PCDH7: variants seen among roughly 807,000 people sequenced by gnomAD.
PCDH7 encodes protocadherin-7.
PCDH7 carries 17 observed loss-of-function variants against 58.9 expected under a neutral mutation model. The observed-to-expected ratio is 0.29, with a 90% CI of 0.20 to 0.43. PCDH7 has a LOEUF of 0.43. Ranked by LOEUF, PCDH7 falls within the 20% of genes least tolerant of loss-of-function variation. PCDH7 has a pLI of 1.00. For synonymous variants in PCDH7, 664 were observed against 616.4 expected, an observed-to-expected ratio of 1.08 and a Z score of -1.14; for missense variants, 1,274 against 1,441.0, an observed-to-expected ratio of 0.88 and a Z score of 1.88.
At chr4:30,785,065 A>G (rs1388600230) in intron 1 of PCDH7, among the ~76,000 whole-genome samples, 1 of 152,044 alleles carries the variant, frequency 6.6e-6, no homozygotes, top group African/African-American at 2.4e-5. Context: ...AAAGTACATG[A>G]TATTTGCCTT....
chr4:30,763,110 C>A (rs1045824165), intron 1 of PCDH7, among the ~76,000 whole-genome samples: 1 of 152,114 alleles, frequency 6.6e-6, no homozygotes, highest in African/African-American at 2.4e-5. Context: ...GTAATCCCAG[C>A]TACTCAGGAG....
intron 3 of PCDH7, among the ~76,000 whole-genome samples, chr4:31,084,966 G>A (rs1188814148): frequency 6.6e-6 from 1 of 152,108 alleles, no homozygotes; most frequent in African/African-American, 2.4e-5. Context: ...CGCCCAAGGG[G>A]TTCACCTTGC....
intron 3 of PCDH7, among the ~76,000 whole-genome samples, chr4:31,120,654 A>G (rs1049473979): frequency 1.3e-5 from 2 of 152,082 alleles, no homozygotes; most frequent in African/African-American, 2.4e-5. Flanking sequence ...GTTCGCTGCA[A>G]TGTCCAACCA....
At chr4:30,864,377 A>G (rs944730320) in intron 1 of PCDH7, among the ~76,000 whole-genome samples, 3 of 151,606 alleles carry the variant, frequency 2.0e-5, no homozygotes, top group African/African-American at 7.3e-5. Flanking sequence ...AGCAGTTATT[A>G]TGAGAAAGTC....
chr4:30,788,381 A>C (rs1723685874), intron 1 of PCDH7, among the ~76,000 whole-genome samples: 1 of 152,068 alleles, frequency 6.6e-6, no homozygotes, highest in African/African-American at 2.4e-5. Context: ...TTGACTTTAT[A>C]GTTAAAATTT....
At chr4:30,984,097 A>G (rs1016762011) in intron 3 of PCDH7, among the ~76,000 whole-genome samples, 1 of 152,240 alleles carries the variant, frequency 6.6e-6, no homozygotes, top group Non-Finnish European at 1.5e-5. Flanking sequence ...TTAGTAAAAC[A>G]CATTCCAAAT....
chr4:31,109,804 G>T (rs184008094), intron 3 of PCDH7, among the ~76,000 whole-genome samples: 12 of 152,234 alleles, frequency 7.9e-5, no homozygotes, highest in Admixed American at 7.8e-4. Flanking sequence ...AATGCCATTG[G>T]TACATTTCAG....
intron 1 of PCDH7, among the ~76,000 whole-genome samples, chr4:30,790,620 C>G (rs2109298126): frequency 6.6e-6 from 1 of 152,272 alleles, no homozygotes; most frequent in Middle Eastern, 3.4e-3. Context: ...AGAAGATCTG[C>G]TTTAAATATT....
chr4:30,804,060 AC>A (rs928189956), intron 1 of PCDH7, among the ~76,000 whole-genome samples: 5 of 152,136 alleles, frequency 3.3e-5, no homozygotes, highest in African/African-American at 1.2e-4. Context: ...TAAAGATCTC[AC>A]CTTTTAATAC....
At chr4:30,758,957 T>TTG (rs1560339506) in intron 1 of PCDH7, among the ~76,000 whole-genome samples, 2 of 144,860 alleles carry the variant, frequency 1.4e-5, no homozygotes, top group African/African-American at 2.6e-5. Flanking sequence ...TTTTTTTTTT[T>TTG]TTGTGATACA....
chr4:30,920,182 G>A (rs1021908460), exon 2 of PCDH7: 1 of 1,367,546 alleles, frequency 7.3e-7, no homozygotes, highest in African/African-American at 1.5e-5. Flanking sequence ...TTTCTGTTGT[G>A]AGTCAGCCTC....
chr4:30,967,282 C>A lies in PCDH7; in HGVS notation c.*7+17067C>A, dbSNP rs1423085142. 2.0e-5 allele frequency among the ~76,000 whole-genome samples: 3 copies of A among 151,952 alleles called. No individual in the cohort carries two copies. In the East Asian group the frequency reaches 5.8e-4, roughly 29 times the overall value. On this transcript the variant is annotated intron_variant, in intron 3 of 3. Transcript: ENST00000509759. ...TATTTGGTTTGTATGAATTGTAATG[C>A]CAGACTGTATTTTCAAGACTAATTA...
chr4:31,022,460 A>G (rs985399709), intron 3 of PCDH7, among the ~76,000 whole-genome samples: 11 of 152,176 alleles, frequency 7.2e-5, no homozygotes, highest in Non-Finnish European at 1.3e-4. Context: ...CATTTTCTGA[A>G]GCTTGGTGGG....
intron 1 of PCDH7, among the ~76,000 whole-genome samples, chr4:30,908,243 T>TAAA (rs5857211): frequency 0.2 from 27,458 of 140,806 alleles, 2,707 homozygotes; most frequent in East Asian, 0.29. Flanking sequence ...TAAAGAATAA[T>TAAA]AAAAAAAAAA....
rs1216939255 is a variant in PCDH7 at position 30,955,510 on chromosome 4, T to TATTTTATTTC, written c.*7+5304_*7+5305insCATTTTATTT. On this transcript the variant is annotated intron_variant, in intron 3 of 3. Transcript: ENST00000509759. ...TTTATTTTATTATTGTATTTTATTT[T>TATTTTATTTC]ATTTTATTTTATTTCATTTTATTTT... is the stretch of plus-strand genomic sequence containing the variant. Among the ~76,000 whole-genome samples, 244 of 151,484 alleles carry TATTTTATTTC rather than the reference T, an allele frequency of 1.6e-3. 1 individual carries two copies. Among genetic ancestry groups the TATTTTATTTC allele is most frequent in the Middle Eastern group, 6.8e-3 (2 of 294 alleles).
At chr4:31,016,955 ATGTGTTTGTGTGTG>A (rs1442875702) in intron 3 of PCDH7, among the ~76,000 whole-genome samples, 1 of 146,714 alleles carries the variant, frequency 6.8e-6, no homozygotes, top group Non-Finnish European at 1.5e-5. Context: ...GGGTGTGTGT[ATGTGTTTGTGTGTG>A]TGTGTGAGAG....
intron 3 of PCDH7, among the ~76,000 whole-genome samples, chr4:31,077,747 T>A (rs555797832): frequency 6.6e-6 from 1 of 152,146 alleles, no homozygotes; most frequent in Admixed American, 6.5e-5. Flanking sequence ...ACATTTTATA[T>A]GACAAGATGA....
chr4:30,919,889 A>G (rs972235034), intron 1 of PCDH7, among the ~76,000 whole-genome samples: 12 of 152,202 alleles, frequency 7.9e-5, no homozygotes, highest in Admixed American at 2.0e-4. Context: ...CTAACATATC[A>G]GATTTAAATG....
At chr4:30,978,407 A>C (rs1750260649) in intron 3 of PCDH7, among the ~76,000 whole-genome samples, 1 of 152,194 alleles carries the variant, frequency 6.6e-6, no homozygotes, top group African/African-American at 2.4e-5. Context: ...CAAACAGGAG[A>C]ATCTTAGCAT....
Sources: gnomAD v4.1 joint callset for allele counts (sites outside exome capture counted in the v4.1 genomes callset) on GRCh38, gnomAD v4.1.1 for gene constraint, MANE v1.5 for transcripts, NCBI Gene and HGNC (gene_info 2026-07-23, HGNC 2026-07-21) for gene names.